Variants in ZNF536 observed in about 807,000 individuals in gnomAD.
The protein encoded by ZNF536 is zinc finger protein 536.
ZNF536 carries 13 observed loss-of-function variants against 84.5 expected under a neutral mutation model. The observed-to-expected ratio is 0.15, with a 90% confidence interval of 0.10 to 0.24. ZNF536 has a LOEUF of 0.24. Among genes scored for constraint, ZNF536 ranks in the 10% least tolerant of loss-of-function variants. The pLI, the probability that ZNF536 is intolerant of heterozygous loss-of-function variation, is 1.00. For missense variants in ZNF536, 1,536 were observed against 1,747.5 expected, an observed-to-expected ratio of 0.88 and a Z score of 2.16; for synonymous variants, 811 against 742.5, an observed-to-expected ratio of 1.09 and a Z score of -1.50.
At chr19:30,315,908 T>A (rs978806989) in intron 2 of ZNF536, among the ~76,000 whole-genome samples, 11 of 152,172 alleles carry the variant, frequency 7.2e-5, no homozygotes, top group African/African-American at 2.4e-4. Context: ...CTTACTTTTT[T>A]TAAAAAAAAC....
At position 30,548,278 on chromosome 19, in the gene ZNF536, G is replaced by T. The variant is rs769359052; in HGVS notation, c.2659G>T (p.Gly887Cys). The change falls in exon 4 of 5, where the codon GGC (glycine) becomes TGC (cysteine). Residue 887 changes from glycine (G) to cysteine (C), a missense_variant. Gly to Cys is a radical substitution (Grantham distance 159). This residue lies in a region of ZNF536 where 624 missense variants were observed against 603.1 expected (regional missense o/e 1.03). Coordinates refer to ENST00000355537, the MANE Select transcript of ZNF536 (RefSeq NM_014717.3). The stretch of plus-strand genomic sequence containing the variant: ...GGAGGTCCCCTCAGATGCTCTGAAA[G>T]GCACTGACCTTCCTTCCAAAAGCAC... ...SSEVPSDALK[G>C]TDLPSKSTHF... The T allele has an allele frequency of 6.2e-7, 1 of 1,614,230 alleles. No homozygotes were observed. Among genetic ancestry groups the T allele is most frequent in the East Asian group, 2.2e-5 (1 of 44,878 alleles).
At chr19:30,704,385 G>T (rs1437936155) in intron 1 of ZNF536, among the ~76,000 whole-genome samples, 3 of 152,090 alleles carry the variant, frequency 2.0e-5, no homozygotes, top group Admixed American at 1.3e-4. Flanking sequence ...AGTGGTTCAC[G>T]CCAGTAATCC....
rs539020657 is a variant in ZNF536, at chr19:30,463,366, A to C, written c.2170+17634A>C. 1.5e-4 allele frequency among the ~76,000 whole-genome samples: 23 copies of C among 152,012 alleles called. No individual in the cohort carries two copies. In the South Asian group the frequency reaches 4.2e-3, roughly 27 times the overall value. ...TGGAAGATCTGGCTTTTGGGGTGCAAGTTGGGAAATGCAGAAAGCCCTGCC... is the reference window on the plus strand; with the variant it reads ...TGGAAGATCTGGCTTTTGGGGTGCACGTTGGGAAATGCAGAAAGCCCTGCC... On this transcript the variant is annotated intron_variant, in intron 2 of 4. Coordinates refer to ENST00000355537, the MANE Select transcript of ZNF536 (RefSeq NM_014717.3).
chr19:30,634,036 C>A (rs370095197), intron 1 of ZNF536, among the ~76,000 whole-genome samples: 4 of 152,296 alleles, frequency 2.6e-5, no homozygotes, highest in East Asian at 1.9e-4. Flanking sequence ...CCCCTGCCCC[C>A]ACCTCCGTCG....
rs960092666 is a variant in ZNF536 at position 30,347,872 on chromosome 19, G to A, written c.-119-4496G>A. ...GTCTGTGTGCTTTGAAACATTGGAG[G>A]GGAGACAAAGATGGGTGACCAAACC... is the stretch of plus-strand genomic sequence containing the variant. On this transcript the variant is annotated intron_variant, in intron 2 of 5. Transcript: ENST00000585628. 2.1e-4 allele frequency among the ~76,000 whole-genome samples: 32 copies of A among 152,194 alleles called. No individual in the cohort carries two copies. The East Asian group carries it at 2.5e-3, about 12-fold the overall frequency.
intron 1 of ZNF536, among the ~76,000 whole-genome samples, chr19:30,274,094 G>A (rs1418829236): frequency 6.6e-6 from 1 of 152,148 alleles, no homozygotes; most frequent in African/African-American, 2.4e-5. Context: ...AACAAAAAGT[G>A]ACCCCTGTAA....
intron 2 of ZNF536, among the ~76,000 whole-genome samples, chr19:30,468,556 C>G (rs1276632918): frequency 2.6e-5 from 4 of 152,124 alleles, no homozygotes. Flanking sequence ...ACACAAACCT[C>G]AAGGCCCGAC....
intron 1 of ZNF536, among the ~76,000 whole-genome samples, chr19:30,579,689 T>C (rs932558905): frequency 2.6e-5 from 4 of 152,206 alleles, no homozygotes; most frequent in South Asian, 2.1e-4. Context: ...TAGGTACTAA[T>C]GCAATCAATC....
intron 1 of ZNF536, among the ~76,000 whole-genome samples, chr19:30,251,948 C>CATAT (rs373244838): frequency 1.1e-4 from 16 of 151,590 alleles, no homozygotes; most frequent in African/African-American, 2.7e-4. Flanking sequence ...TTCCATTGCA[C>CATAT]ATATATATAT....
intron 2 of ZNF536, 90 bp from the exon 3 acceptor site, chr19:30,534,757 T>C (rs900049203): frequency 1.5e-6 from 2 of 1,354,284 alleles, no homozygotes; most frequent in East Asian, 2.4e-5. Context: ...AGTATTGACA[T>C]GTTTAACTTT....
At chr19:30,283,833 T>G (rs556873464) in intron 1 of ZNF536, among the ~76,000 whole-genome samples, 1 of 152,268 alleles carries the variant, frequency 6.6e-6, no homozygotes, top group South Asian at 2.1e-4. Flanking sequence ...GAAGTTCTTT[T>G]TGTGCAGGTG....
chr19:30,481,907 C>T (rs1049000365), intron 2 of ZNF536, among the ~76,000 whole-genome samples: 2 of 152,058 alleles, frequency 1.3e-5, no homozygotes, highest in African/African-American at 4.8e-5. Flanking sequence ...TGATAAGTGA[C>T]AATATACGAT....
intron 1 of ZNF536, among the ~76,000 whole-genome samples, chr19:30,614,942 A>ATTTT (rs555419932): frequency 0.15 from 4,828 of 32,204 alleles, 1,516 homozygotes; most frequent in Non-Finnish European, 0.2. Context: ...CCCCTTTTCA[A>ATTTT]TTTTTTTTTT....
chr19:30,373,802 C>G (rs1462474422), intron 1 of ZNF536, among the ~76,000 whole-genome samples: 2 of 152,090 alleles, frequency 1.3e-5, no homozygotes, highest in Non-Finnish European at 2.9e-5. Context: ...AATCAGATGC[C>G]GAGGAAAGAT....
intron 2 of ZNF536, among the ~76,000 whole-genome samples, chr19:30,526,723 CAAA>C (rs766704469): frequency 5.1e-4 from 24 of 46,854 alleles, no homozygotes; most frequent in African/African-American, 1.4e-3. Flanking sequence ...GACTCCGTCT[CAAA>C]AAAAAAAAAA....
intron 1 of ZNF536, among the ~76,000 whole-genome samples, chr19:30,629,383 A>G (rs1246856549): frequency 6.6e-6 from 1 of 152,014 alleles, no homozygotes; most frequent in Admixed American, 6.6e-5. Flanking sequence ...ATTTTTGTAG[A>G]CAGGGTTTTG....
At chr19:30,360,250 G>A (rs938157835) in intron 3 of ZNF536, among the ~76,000 whole-genome samples, 4 of 152,330 alleles carry the variant, frequency 2.6e-5, no homozygotes, top group African/African-American at 9.6e-5. Context: ...GCCCCTGCCC[G>A]GCTCCCTTGA....
At chr19:30,685,324 G>C (rs904017349) in intron 1 of ZNF536, among the ~76,000 whole-genome samples, 3 of 152,216 alleles carry the variant, frequency 2.0e-5, no homozygotes, top group Non-Finnish European at 4.4e-5. Flanking sequence ...CCCCATCTGA[G>C]CTGATGGAGA....
chr19:30,240,286 T>C (rs1017456033), intron 1 of ZNF536, among the ~76,000 whole-genome samples: 16 of 151,908 alleles, frequency 1.1e-4, no homozygotes, highest in Non-Finnish European at 2.1e-4. Context: ...GGCAGGAGAA[T>C]TGCTCAAACC....
Sources: allele counts gnomAD v4.1 joint callset (sites outside exome capture counted in the v4.1 genomes callset), GRCh38; gene constraint gnomAD v4.1.1; regional missense constraint gnomAD v4.1.1; transcripts MANE v1.5; gene names NCBI Gene and HGNC (gene_info 2026-07-23, HGNC 2026-07-21).